Variants in DLG2 observed in about 807,000 individuals in gnomAD.
DLG2 encodes discs large MAGUK scaffold protein 2.
DLG2 carries 45 observed loss-of-function variants against 132.5 expected under a neutral mutation model. The observed-to-expected ratio is 0.34, with a 90% CI of 0.27 to 0.44. The LOEUF (loss-of-function observed/expected upper bound fraction) is 0.44. Ranked by LOEUF, DLG2 falls within the 20% of genes least tolerant of loss-of-function variation. The pLI is 1.00. For synonymous variants in DLG2, 424 were observed against 419.6 expected, an observed-to-expected ratio of 1.01 and a Z score of -0.13; for missense variants, 1,045 against 1,196.9, an observed-to-expected ratio of 0.87 and a Z score of 1.87.
chr11:84,367,973 A>G (rs2098690975), intron 7 of DLG2, among the ~76,000 whole-genome samples: 1 of 152,172 alleles, frequency 6.6e-6, no homozygotes, highest in Admixed American at 6.6e-5. Context: ...CTTTATTTAT[A>G]CTTACCCTGT....
intron 17 of DLG2, among the ~76,000 whole-genome samples, chr11:83,802,588 T>G (rs974488698): frequency 6.6e-6 from 1 of 152,168 alleles, no homozygotes; most frequent in African/African-American, 2.4e-5. Context: ...TATTAAAATA[T>G]CACTATTTAA....
At chr11:84,427,737 C>G (rs889111940) in intron 7 of DLG2, among the ~76,000 whole-genome samples, 42 of 140,332 alleles carry the variant, frequency 3.0e-4, no homozygotes, top group African/African-American at 1.3e-3. Context: ...TTTTACCCCT[C>G]CCATGCTAGG....
At chr11:85,378,686 A>G (rs2085630231) in intron 3 of DLG2, among the ~76,000 whole-genome samples, 1 of 152,290 alleles carries the variant, frequency 6.6e-6, no homozygotes, top group East Asian at 1.9e-4. Flanking sequence ...TAGGAAATAA[A>G]ATAGACAACA....
At chr11:84,485,653 A>C (rs1369291774) in intron 7 of DLG2, among the ~76,000 whole-genome samples, 1 of 152,170 alleles carries the variant, frequency 6.6e-6, no homozygotes, top group Non-Finnish European at 1.5e-5. Flanking sequence ...GGTTCCTCCA[A>C]ACTTGATAAA....
rs149502151 is a variant in DLG2 at position 83,904,308 on chromosome 11, T to C, written c.1496+26020A>G. Among the ~76,000 whole-genome samples the C allele has an allele frequency of 4.2e-3, 637 of 152,272 alleles. 5 individuals carry two copies. Among genetic ancestry groups the C allele is most frequent in the African/African-American group, 0.015 (608 of 41,558 alleles). On this transcript the variant is annotated intron_variant, in intron 15 of 27. Coordinates refer to ENST00000376104, the MANE Select transcript of DLG2 (RefSeq NM_001142699.3). ...TAATATTTTTAGACCATGATTGATA[T>C]GCAAAATCATGGACAAATTGAGGAC...
At chr11:85,080,894 C>G (rs1195134174) in intron 6 of DLG2, among the ~76,000 whole-genome samples, 3 of 151,934 alleles carry the variant, frequency 2.0e-5, no homozygotes, top group Non-Finnish European at 4.4e-5. Flanking sequence ...AAGTCTAAGT[C>G]AGAGAGTTAA....
At chr11:85,175,046 A>T (rs913896225) in intron 4 of DLG2, among the ~76,000 whole-genome samples, 5 of 152,084 alleles carry the variant, frequency 3.3e-5, no homozygotes, top group African/African-American at 7.2e-5. Context: ...GTACAAAGAA[A>T]ATCTGGTACC....
chr11:84,972,180 TTA>T (rs2054193931), intron 6 of DLG2, among the ~76,000 whole-genome samples: 1 of 152,168 alleles, frequency 6.6e-6, no homozygotes, highest in East Asian at 1.9e-4. Flanking sequence ...CAATGAACCC[TTA>T]TGTTATTAAG....
chr11:83,963,966 A>G (rs1437150775), intron 13 of DLG2, among the ~76,000 whole-genome samples: 1 of 151,930 alleles, frequency 6.6e-6, no homozygotes, highest in Non-Finnish European at 1.5e-5. Context: ...TAACATTTAT[A>G]TTCACCTCTC....
intron 6 of DLG2, among the ~76,000 whole-genome samples, chr11:84,604,337 T>C (rs1179241284): frequency 6.6e-6 from 1 of 151,812 alleles, no homozygotes; most frequent in Non-Finnish European, 1.5e-5. Flanking sequence ...TTGAAGAAAG[T>C]TCAGCGTGTA....
chr11:84,607,224 G>T (rs2154536121), intron 6 of DLG2, among the ~76,000 whole-genome samples: 1 of 152,208 alleles, frequency 6.6e-6, no homozygotes, highest in East Asian at 1.9e-4. Flanking sequence ...TAATTCAAGT[G>T]ATTTACGATA....
intron 6 of DLG2, among the ~76,000 whole-genome samples, chr11:84,951,812 G>GT (rs2050967104): frequency 6.6e-6 from 1 of 151,798 alleles, no homozygotes; most frequent in Non-Finnish European, 1.5e-5. Flanking sequence ...TTTAAAGAAT[G>GT]TATAAACATA....
At chr11:83,908,319 A>G (rs1173160581) in intron 15 of DLG2, among the ~76,000 whole-genome samples, 1 of 150,208 alleles carries the variant, frequency 6.7e-6, no homozygotes, top group East Asian at 2.0e-4. Flanking sequence ...TTTTTTTTTC[A>G]GCCTCGGATA....
At chr11:84,159,391 G>A (rs1284503967) in intron 9 of DLG2, among the ~76,000 whole-genome samples, 1 of 152,130 alleles carries the variant, frequency 6.6e-6, no homozygotes, top group Non-Finnish European at 1.5e-5. Flanking sequence ...TTTTTCTAAG[G>A]TGATGATATT....
intron 6 of DLG2, among the ~76,000 whole-genome samples, chr11:84,613,446 TG>T (rs1165680882): frequency 1.3e-5 from 2 of 152,078 alleles, no homozygotes; most frequent in Non-Finnish European, 2.9e-5. Flanking sequence ...CTACTCAGCT[TG>T]GACAAGGTAT....
At chr11:84,688,495 A>T (rs1295564173) in intron 6 of DLG2, among the ~76,000 whole-genome samples, 2 of 152,214 alleles carry the variant, frequency 1.3e-5, no homozygotes, top group African/African-American at 4.8e-5. Context: ...TCACTGATTT[A>T]CATAGGTATT....
intron 6 of DLG2, among the ~76,000 whole-genome samples, chr11:85,039,773 C>T (rs1340831225): frequency 6.6e-6 from 1 of 151,894 alleles, no homozygotes; most frequent in Non-Finnish European, 1.5e-5. Context: ...ACACTATAAG[C>T]CCCTTGATGG....
At chr11:85,267,882 G>GCA in intron 4 of DLG2, among the ~76,000 whole-genome samples, 1 of 66,368 alleles carries the variant, frequency 1.5e-5, no homozygotes, top group South Asian at 3.9e-4. Context: ...GATGACTTTT[G>GCA]TATGTGTGTG....
intron 2 of DLG2, among the ~76,000 whole-genome samples, chr11:85,610,383 C>A (rs935497488): frequency 4.6e-5 from 7 of 151,872 alleles, no homozygotes; most frequent in African/African-American, 1.7e-4. Context: ...CCTGCTCTCT[C>A]AAATATCAGA....
Sources: allele counts gnomAD v4.1 joint callset (sites outside exome capture counted in the v4.1 genomes callset), GRCh38; gene constraint gnomAD v4.1.1; transcripts MANE v1.5; gene names NCBI Gene and HGNC (gene_info 2026-07-23, HGNC 2026-07-21).